NUPR1: variants seen among roughly 807,000 people sequenced by gnomAD.
NUPR1 encodes the protein nuclear protein 1, transcriptional regulator, also known as nuclear protein 1.
In NUPR1, 8 loss-of-function variants were observed where a neutral mutation model predicts 7.3. That is an observed-to-expected ratio of 1.09 (90% confidence interval 0.64 to 1.97). The LOEUF (loss-of-function observed/expected upper bound fraction) is 1.97, where lower values mean the gene tolerates loss of function less well. NUPR1 is among the 30% of genes most tolerant of loss of function. The pLI is 0.00. For missense variants in NUPR1, 96 were observed against 111.7 expected, an observed-to-expected ratio of 0.86 and a Z score of 0.63; for synonymous variants, 39 against 44.5, an observed-to-expected ratio of 0.88 and a Z score of 0.49.
rs2046600298 is a variant in NUPR1 at position 28,534,735 on chromosome 16, T to G, written c.*2948A>C. 1 of 152,226 alleles carries G rather than the reference T, an allele frequency of 6.6e-6. No individual in the cohort carries two copies. Among genetic ancestry groups the G allele is most frequent in the Non-Finnish European group, 1.5e-5 (1 of 68,046 alleles). The allele number at this position is 152,226 out of a possible 1,614,324, so 9.4% of individuals were successfully genotyped here. A position where few individuals can be genotyped will look rare whatever the true frequency, so the allele number is the denominator to read the frequency against. ...GAGCAGATGTGATGTGTTCTACTTTTAGATTATGCCCTAAAATTGAAGAGG... is the reference window on the plus strand; with the variant it reads ...GAGCAGATGTGATGTGTTCTACTTTGAGATTATGCCCTAAAATTGAAGAGG... On this transcript the variant is annotated 3_prime_UTR_variant, in exon 3 of 3. Coordinates refer to ENST00000324873, the MANE Select transcript of NUPR1 (RefSeq NM_012385.3).
intron 1 of NUPR1, chr16:28,538,532 A>T (rs2046641864): frequency 1.6e-6 from 1 of 606,626 alleles, no homozygotes; most frequent in Non-Finnish European, 3.0e-6. Flanking sequence ...TCACCACTGC[A>T]GGTGGTGTAC....
chr16:28,534,005 C>T lies in NUPR1; in HGVS notation c.*3678G>A, dbSNP rs1433727000. The T allele has an allele frequency of 2.0e-5, 3 of 152,084 alleles. No individual in the cohort carries two copies. The highest frequency in any genetic ancestry group is 4.4e-5 in the Non-Finnish European group (3 of 68,080). The allele number at this position is 152,084 out of a possible 1,614,324, so 9.4% of individuals were successfully genotyped here. A position where few individuals can be genotyped will look rare whatever the true frequency, so the allele number is the denominator to read the frequency against. ...AAAATTAGCCAGGTGTGGTGGCCCA[C>T]ACCTGTAGTCCCAGCTACTAGGGAG... On this transcript the variant is annotated 3_prime_UTR_variant, in exon 3 of 3. Transcript: ENST00000324873.
At position 28,535,588 on chromosome 16, in the gene NUPR1, C is replaced by CTTTCT. The variant is rs2046612377; in HGVS notation, c.*2090_*2094dup. On this transcript the variant is annotated 3_prime_UTR_variant, in exon 3 of 3. Transcript: ENST00000324873. ...CCTTCCTTCCTTTCTTTCTTTCTTT[C>CTTTCT]TTTCTTTCTTTCTTTCTTTCTTTCT... is the stretch of plus-strand genomic sequence containing the variant. 3.6e-4 allele frequency: 7 copies of CTTTCT among 19,462 alleles called. No homozygotes were observed. Among genetic ancestry groups the CTTTCT allele is most frequent in the African/African-American group, 1.2e-3 (6 of 4,972 alleles). The allele number at this position is 19,462 out of a possible 1,614,324, so 1.2% of individuals were successfully genotyped here.
chr16:28,538,156 C>G lies in NUPR1; in HGVS notation c.113-1G>C, dbSNP rs200955336. 1.2e-6 allele frequency: 2 copies of G among 1,614,188 alleles called. No homozygotes were observed. The highest frequency in any genetic ancestry group is 1.1e-5 in the South Asian group (1 of 91,088). On this transcript the variant is annotated splice_acceptor_variant, in intron 1 of 2. Transcript: ENST00000324873. LOFTEE classifies it high-confidence loss of function. ...GTGCGACCTTTCCGGCCTCCACCTC[C>G]TGTAACCAAGGCAGGAGTCAGAGGT...
rs1477870428 is a variant in NUPR1 at position 28,535,539 on chromosome 16, CTTTCCTT to C, written c.*2137_*2143del. On this transcript the variant is annotated 3_prime_UTR_variant, in exon 3 of 3. Transcript: ENST00000324873. ...TCTTTCTTTCTTTCTTTCTTTCTTT[CTTTCCTT>C]CTTTCTTTCTTTCTTTCCTTCCTTC... 56 of 72,316 alleles carry C rather than the reference CTTTCCTT, an allele frequency of 7.7e-4. No individual in the cohort carries two copies. The highest frequency in any genetic ancestry group is 1.4e-3 in the Non-Finnish European group (46 of 32,800). 4.5% of individuals were successfully genotyped at this position (72,316 alleles called of 1,614,324 possible). A position where few individuals can be genotyped will look rare whatever the true frequency, so the allele number is the denominator to read the frequency against.
At position 28,535,558 on chromosome 16, in the gene NUPR1, T is replaced by TCCTTC. The variant is rs1567277400; in HGVS notation, c.*2124_*2125insGAAGG. 3.8e-4 allele frequency: 15 copies of TCCTTC among 39,920 alleles called. No individual in the cohort carries two copies. The highest frequency in any genetic ancestry group is 9.7e-4 in the Admixed American group (3 of 3,080). 2.5% of individuals were successfully genotyped at this position (39,920 alleles called of 1,614,324 possible). The stretch of plus-strand genomic sequence containing the variant: ...TTCTTTCTTTCCTTCTTTCTTTCTT[T>TCCTTC]CTTTCCTTCCTTCCTTTCTTTCTTT... On this transcript the variant is annotated 3_prime_UTR_variant, in exon 3 of 3. Transcript: ENST00000324873.
intron 1 of NUPR1, 158 bp from the exon 2 acceptor site, chr16:28,538,313 G>A: frequency 9.8e-7 from 1 of 1,024,732 alleles, no homozygotes; most frequent in Non-Finnish European, 1.4e-6. Context: ...TGTGTGTGAG[G>A]TCCCAGGCTG....
rs1304967444 is a variant in NUPR1 at position 28,533,215 on chromosome 16, T to G, written c.*4468A>C. 6.6e-6 allele frequency: 1 copy of G among 152,170 alleles called. No homozygotes were observed. Among genetic ancestry groups the G allele is most frequent in the Non-Finnish European group, 1.5e-5 (1 of 68,060 alleles). 9.4% of individuals were successfully genotyped at this position (152,170 alleles called of 1,614,324 possible). A position where few individuals can be genotyped will look rare whatever the true frequency, so the allele number is the denominator to read the frequency against. On this transcript the variant is annotated 3_prime_UTR_variant, in exon 3 of 3. Coordinates refer to ENST00000324873, the MANE Select transcript of NUPR1 (RefSeq NM_012385.3). ...TCAGAAGGCATCCAATAAGCATTGA[T>G]TGAGTTAATATGTAACTTGTATGGA...
rs2046608891 is a variant in NUPR1, at chr16:28,535,564, C to CTCT, written c.*2118_*2119insAGA. On this transcript the variant is annotated 3_prime_UTR_variant, in exon 3 of 3. Coordinates refer to ENST00000324873, the MANE Select transcript of NUPR1 (RefSeq NM_012385.3). ...CTTTCCTTCTTTCTTTCTTTCTTTC[C>CTCT]TTCCTTCCTTTCTTTCTTTCTTTCT... The CTCT allele has an allele frequency of 3.5e-5, 2 of 57,738 alleles. No homozygotes were observed. Among genetic ancestry groups the CTCT allele is most frequent in the Non-Finnish European group, 7.3e-5 (2 of 27,578 alleles). The allele number at this position is 57,738 out of a possible 1,614,324, so 3.6% of individuals were successfully genotyped here.
rs1473186948 is a variant in NUPR1 at position 28,535,555 on chromosome 16, C to CT, written c.*2127dup. 8 of 30,296 alleles carry CT rather than the reference C, an allele frequency of 2.6e-4. No individual in the cohort carries two copies. The highest frequency in any genetic ancestry group is 4.4e-4 in the Non-Finnish European group (5 of 11,406). The allele number at this position is 30,296 out of a possible 1,614,324, so 1.9% of individuals were successfully genotyped here. ...TCTTTCTTTCTTTCCTTCTTTCTTTCTTTCTTTCCTTCCTTCCTTTCTTTC... is the reference window on the plus strand; with the variant it reads ...TCTTTCTTTCTTTCCTTCTTTCTTTCTTTTCTTTCCTTCCTTCCTTTCTTTC... On this transcript the variant is annotated 3_prime_UTR_variant, in exon 3 of 3. Coordinates refer to ENST00000324873, the MANE Select transcript of NUPR1 (RefSeq NM_012385.3).
chr16:28,538,016 G>A lies in NUPR1; in HGVS notation c.*3C>T. 1 of 1,612,096 alleles carries A rather than the reference G, an allele frequency of 6.2e-7. No homozygotes were observed. The highest frequency in any genetic ancestry group is 8.5e-7 in the Non-Finnish European group (1 of 1,178,864). On this transcript the variant is annotated 3_prime_UTR_variant, in exon 2 of 3. Coordinates refer to ENST00000324873, the MANE Select transcript of NUPR1 (RefSeq NM_012385.3). Reference sequence around the variant, plus strand: ...CCCCCGACTCCTTACCTCCAGCTCTGTCTCAGCGCCGTGCCCCTCGCTTCT... The same window carrying A: ...CCCCCGACTCCTTACCTCCAGCTCTATCTCAGCGCCGTGCCCCTCGCTTCT...
chr16:28,533,487 C>T lies in NUPR1; in HGVS notation c.*4196G>A, dbSNP rs1206657075. ...TCCCAGACTCAAGAGATCCTCTCAC[C>T]TCAGCCTCCTGAGTAGGTGGGCCCA... On this transcript the variant is annotated 3_prime_UTR_variant, in exon 3 of 3. Coordinates refer to ENST00000324873, the MANE Select transcript of NUPR1 (RefSeq NM_012385.3). The T allele has an allele frequency of 1.3e-5, 2 of 152,338 alleles. No individual in the cohort carries two copies. The highest frequency in any genetic ancestry group is 2.4e-5 in the African/African-American group (1 of 41,432). The allele number at this position is 152,338 out of a possible 1,614,324, so 9.4% of individuals were successfully genotyped here.
chr16:28,538,293 G>A, intron 1 of NUPR1, 138 bp from the exon 2 acceptor site: 1 of 1,302,252 alleles, frequency 7.7e-7, no homozygotes, highest in Non-Finnish European at 1.1e-6. Flanking sequence ...GTGGAATGTG[G>A]GACCCCAGAT....
intron 2 of NUPR1, 149 bp downstream of exon 2, chr16:28,537,857 G>A (rs1179935179): frequency 1.4e-6 from 1 of 693,670 alleles, no homozygotes; most frequent in Non-Finnish European, 2.4e-6. Flanking sequence ...TGGCCACTAG[G>A]AAACTCACAA....
In NUPR1 at chr16:28,538,025, C is replaced by T. The variant is rs966613729; in HGVS notation, c.243G>A (p.Arg81=). 2 of 1,613,208 alleles carry T rather than the reference C, an allele frequency of 1.2e-6. No individual in the cohort carries two copies. The highest frequency in any genetic ancestry group is 1.3e-5 in the African/African-American group (1 of 74,934). ...CCTTACCTCCAGCTCTGTCTCAGCG[C>T]CGTGCCCCTCGCTTCTTCCTCTCTG... ...QNSERKKRGA[R]R The change falls in exon 2 of 3, where the codon CGG becomes CGA. Residue 81 remains arginine (R), a synonymous_variant. Coordinates refer to ENST00000324873, the MANE Select transcript of NUPR1 (RefSeq NM_012385.3).
In NUPR1 at chr16:28,538,602, C is replaced by A. The variant is rs767821408; in HGVS notation, c.112+194G>T. 3 of 681,500 alleles carry A rather than the reference C, an allele frequency of 4.4e-6. No individual in the cohort carries two copies. In the South Asian group the frequency reaches 4.5e-5, roughly 10 times the overall value. 42.2% of individuals were successfully genotyped at this position (681,500 alleles called of 1,614,324 possible). A position where few individuals can be genotyped will look rare whatever the true frequency, so the allele number is the denominator to read the frequency against. ...GGAGGATCACTTGAGCCCAGGAGTTCGAGGCTGCGGTGAGTTGTTTGAGTT... is the reference window on the plus strand; with the variant it reads ...GGAGGATCACTTGAGCCCAGGAGTTAGAGGCTGCGGTGAGTTGTTTGAGTT... On this transcript the variant is annotated intron_variant, in intron 1 of 2. Coordinates refer to ENST00000324873, the MANE Select transcript of NUPR1 (RefSeq NM_012385.3).
Position 28,537,993 on chromosome 16 carries a change from C to T in NUPR1, c.*13+13G>A. On this transcript the variant is annotated intron_variant, in intron 2 of 2. Transcript: ENST00000324873. ...GCACCACCTTGAGCTCTCTGGGCCC[C>T]CCGACTCCTTACCTCCAGCTCTGTC... 1 of 1,600,216 alleles carries T rather than the reference C, an allele frequency of 6.2e-7. No individual in the cohort carries two copies. The highest frequency in any genetic ancestry group is 1.1e-5 in the South Asian group (1 of 89,710).
chr16:28,537,899 A>G, intron 2 of NUPR1, 107 bp downstream of exon 2: 7 of 889,706 alleles, frequency 7.9e-6, no homozygotes, highest in Non-Finnish European at 1.2e-5. Flanking sequence ...TTCTGCATCA[A>G]GACAACAGTT....
rs1385463057 is a variant in NUPR1 at position 28,538,800 on chromosome 16, G to A, written c.108C>T (p.Tyr36=). Residue 36 remains tyrosine, a synonymous_variant, in exon 1 of 3, where the codon TAC becomes TAT. Coordinates refer to ENST00000324873, the MANE Select transcript of NUPR1 (RefSeq NM_012385.3). ...ESDLYSLAHS[Y]LGGGGRKGRT... ...AGATGGCTGAGTGGGCCTTACCGAG[G>A]TAGGAATGGGCCAGGCTATAGAGGT... 1 of 1,605,724 alleles carries A rather than the reference G, an allele frequency of 6.2e-7. No homozygotes were observed.
Sources: allele counts gnomAD v4.1 joint callset, GRCh38; gene constraint gnomAD v4.1.1; transcripts MANE v1.5; gene names NCBI Gene and HGNC (gene_info 2026-07-23, HGNC 2026-07-21).